EPHB1: variants seen among roughly 807,000 people sequenced by gnomAD.
The protein encoded by EPHB1 is EPH receptor B1.
EPHB1 carries 30 observed loss-of-function variants against 94.4 expected under a neutral mutation model. The observed-to-expected ratio is 0.32, with a 90% CI of 0.24 to 0.43. The LOEUF is 0.43. Ranked by LOEUF, EPHB1 falls within the 20% of genes least tolerant of loss-of-function variation. The pLI is 1.00. For missense variants in EPHB1, 1,055 were observed against 1,308.3 expected (o/e 0.81, Z 2.99); for synonymous variants, 522 against 489.1 (o/e 1.07, Z -0.89).
intron 1 of EPHB1, among the ~76,000 whole-genome samples, chr3:134,914,601 G>T (rs1332822848): frequency 6.6e-6 from 1 of 152,188 alleles, no homozygotes; most frequent in Non-Finnish European, 1.5e-5. Flanking sequence ...CATGGGGGCT[G>T]CCTTCCATGG....
intron 5 of EPHB1, among the ~76,000 whole-genome samples, chr3:135,153,642 C>T (rs918498216): frequency 2.6e-5 from 4 of 152,134 alleles, no homozygotes; most frequent in African/African-American, 9.7e-5. Context: ...ATCTAACTTG[C>T]AGTATCAGGA....
chr3:135,021,127 T>A (rs1255604109), intron 3 of EPHB1, among the ~76,000 whole-genome samples: 2 of 152,196 alleles, frequency 1.3e-5, no homozygotes, highest in Non-Finnish European at 2.9e-5. Flanking sequence ...CCTCTCTTAT[T>A]GTTTTTACAG....
At chr3:134,851,726 T>C (rs1441635011) in intron 1 of EPHB1, among the ~76,000 whole-genome samples, 2 of 152,206 alleles carry the variant, frequency 1.3e-5, no homozygotes, top group African/African-American at 4.8e-5. Flanking sequence ...TGTTCACATG[T>C]TGTCTTGTAA....
At chr3:134,981,397 G>C (rs575513975) in intron 3 of EPHB1, among the ~76,000 whole-genome samples, 51 of 152,288 alleles carry the variant, frequency 3.3e-4, no homozygotes, top group African/African-American at 1.2e-3. Context: ...GTAGTCATTT[G>C]GCAGAAGGAA....
chr3:134,940,291 T>C (rs1560306645), intron 2 of EPHB1, among the ~76,000 whole-genome samples: 1 of 152,302 alleles, frequency 6.6e-6, no homozygotes, highest in East Asian at 1.9e-4. Flanking sequence ...ACTCAGTGAA[T>C]GGTAGTTATG....
At chr3:134,876,945 A>T (rs2037628637) in intron 1 of EPHB1, among the ~76,000 whole-genome samples, 1 of 152,166 alleles carries the variant, frequency 6.6e-6, no homozygotes, top group South Asian at 2.1e-4. Flanking sequence ...TTCCCAGTGG[A>T]ATGAATTTTT....
chr3:134,943,285 GCAA>G (rs2039155669), intron 2 of EPHB1, among the ~76,000 whole-genome samples: 1 of 152,198 alleles, frequency 6.6e-6, no homozygotes, highest in Admixed American at 6.5e-5. Context: ...CAGAACATCA[GCAA>G]CAACATCGAG....
At chr3:134,920,870 C>G (rs919988001) in intron 1 of EPHB1, among the ~76,000 whole-genome samples, 2 of 152,082 alleles carry the variant, frequency 1.3e-5, no homozygotes, top group African/African-American at 2.4e-5. Context: ...GGTTTCCATA[C>G]TGAAGCCTCT....
intron 1 of EPHB1, among the ~76,000 whole-genome samples, chr3:134,836,185 C>T (rs150114541): frequency 1.3e-5 from 2 of 152,272 alleles, no homozygotes; most frequent in East Asian, 3.9e-4. Flanking sequence ...CACTGAGCAT[C>T]CCTTCAAGGC....
chr3:135,008,671 A>G (rs191608317), intron 3 of EPHB1, among the ~76,000 whole-genome samples: 1 of 152,288 alleles, frequency 6.6e-6, no homozygotes, highest in Admixed American at 6.5e-5. Flanking sequence ...CAGTTAAATA[A>G]TCTGTCTCAA....
chr3:135,136,703 A>AGTG (rs974675537), intron 5 of EPHB1, among the ~76,000 whole-genome samples: 1 of 152,194 alleles, frequency 6.6e-6, no homozygotes, highest in African/African-American at 2.4e-5. Flanking sequence ...ATCACATTAT[A>AGTG]GTGGACTGTG....
rs1334747756 is a variant in EPHB1 at position 135,245,524 on chromosome 3, A to C, written c.2497-2792A>C. ...ACCAGAACAGTCTTCAAAAAAAAAA[A>C]AAAAAAAAAAAATCGGCCCGTGCCT... On this transcript the variant is annotated intron_variant, in intron 13 of 15. Transcript: ENST00000398015. Among the ~76,000 whole-genome samples, 218 of 151,620 alleles carry C rather than the reference A, an allele frequency of 1.4e-3. 2 individuals are homozygous for C. The highest frequency in any genetic ancestry group is 5.1e-3 in the African/African-American group (212 of 41,320).
At chr3:134,817,211 C>A (rs2036288988) in intron 1 of EPHB1, among the ~76,000 whole-genome samples, 1 of 152,148 alleles carries the variant, frequency 6.6e-6, no homozygotes. Flanking sequence ...TTTGAAGGCC[C>A]CAGTCAGCCC....
At position 135,079,615 on chromosome 3, in the gene EPHB1, T is replaced by A. The variant is rs1410515641; in HGVS notation, c.806-26833T>A. 1.3e-5 allele frequency among the ~76,000 whole-genome samples: 2 copies of A among 152,162 alleles called. 1 individual carries two copies. Among genetic ancestry groups the A allele is most frequent in the East Asian group, 3.9e-4 (2 of 5,176 alleles). On this transcript the variant is annotated intron_variant, in intron 3 of 15. Transcript: ENST00000398015. ...ATCATCACATAGTGGAGTCCTGCCG[T>A]CCTGAGCTCCCTCGTGGCAGCTCTC...
chr3:135,205,631 G>A (rs1290049378), intron 12 of EPHB1, among the ~76,000 whole-genome samples: 1 of 152,048 alleles, frequency 6.6e-6, no homozygotes, highest in Non-Finnish European at 1.5e-5. Flanking sequence ...AAAATTTCAA[G>A]CACACAGAGA....
chr3:134,808,998 A>G (rs2036119068), intron 1 of EPHB1, among the ~76,000 whole-genome samples: 1 of 152,258 alleles, frequency 6.6e-6, no homozygotes, highest in Admixed American at 6.5e-5. Flanking sequence ...TAAATTTGAT[A>G]TCCATTGGAG....
intron 1 of EPHB1, among the ~76,000 whole-genome samples, chr3:134,821,362 AC>A (rs2108289981): frequency 6.6e-6 from 1 of 152,304 alleles, no homozygotes; most frequent in South Asian, 2.1e-4. Context: ...CATAAAGTTA[AC>A]CATCACAGGA....
rs1488564641 is a variant in EPHB1 at position 135,106,768 on chromosome 3, G to A, written c.961+165G>A. On this transcript the variant is annotated intron_variant, in intron 4 of 15. Coordinates refer to ENST00000398015, the MANE Select transcript of EPHB1 (RefSeq NM_004441.5). ...CAACTCCTATGCTCGGAGTTCAGAG[G>A]CCTTGTCCCTACGTAGCACTGGGTG... 2.0e-5 allele frequency among the ~76,000 whole-genome samples: 3 copies of A among 152,144 alleles called. No individual in the cohort carries two copies. The East Asian group carries it at 5.8e-4, about 29-fold the overall frequency.
intron 1 of EPHB1, among the ~76,000 whole-genome samples, chr3:134,907,813 CTGAT>C (rs1230675395): frequency 6.6e-6 from 1 of 152,196 alleles, no homozygotes; most frequent in Admixed American, 6.5e-5. Context: ...ATGTCATTGA[CTGAT>C]TGCATTTCGG....
Sources: gnomAD v4.1 joint callset for allele counts (sites outside exome capture counted in the v4.1 genomes callset) on GRCh38, gnomAD v4.1.1 for gene constraint, MANE v1.5 for transcripts, NCBI Gene and HGNC (gene_info 2026-07-23, HGNC 2026-07-21) for gene names.